Variants in WDR91 observed in about 807,000 individuals in gnomAD.
The protein encoded by WDR91 is WD repeat-containing protein 91.
In WDR91, 52 loss-of-function variants were observed where a neutral mutation model predicts 88.4. That is an observed-to-expected ratio of 0.59 (90% CI 0.47 to 0.74). WDR91 has a LOEUF of 0.74. Ranked by LOEUF, WDR91 falls within the 30% of genes least tolerant of loss-of-function variation. WDR91 has a pLI of 0.00. For synonymous variants in WDR91, 362 were observed against 389.5 expected (o/e 0.93, Z 0.83); for missense variants, 824 against 954.5 (o/e 0.86, Z 1.80).
intron 2 of WDR91, 144 bp from the exon 3 acceptor site, chr7:135,209,142 C>T: frequency 1.6e-6 from 1 of 631,188 alleles, no homozygotes; most frequent in Non-Finnish European, 2.6e-6. Flanking sequence ...TAAAGGAAAT[C>T]ATCACTCTTT....
At chr7:135,187,591 A>C (rs1830999692) in intron 13 of WDR91, among the ~76,000 whole-genome samples, 2 of 152,176 alleles carry the variant, frequency 1.3e-5, no homozygotes, top group Non-Finnish European at 2.9e-5. Flanking sequence ...AGATTTTTCT[A>C]TCCTAGGAAC....
At chr7:135,194,232 G>C (rs1400871918) in intron 9 of WDR91, among the ~76,000 whole-genome samples, 11 of 152,244 alleles carry the variant, frequency 7.2e-5, no homozygotes, top group Non-Finnish European at 4.4e-5. Flanking sequence ...GAAAGTGCCA[G>C]AAGCAGCCCA....
At chr7:135,189,988 GAAATTAAAA>G (rs2117635592) in intron 11 of WDR91, among the ~76,000 whole-genome samples, 1 of 152,252 alleles carries the variant, frequency 6.6e-6, no homozygotes, top group African/African-American at 2.4e-5. Context: ...TAATCCTCCT[GAAATTAAAA>G]ATGCAAGATA....
chr7:135,205,301 C>T (rs1266275775), intron 5 of WDR91, among the ~76,000 whole-genome samples: 1 of 152,246 alleles, frequency 6.6e-6, no homozygotes, highest in Admixed American at 6.5e-5. Flanking sequence ...AAAACCTTCC[C>T]AAGACTTTAC....
chr7:135,192,931 C>G (rs1831222810), intron 11 of WDR91, among the ~76,000 whole-genome samples: 1 of 152,126 alleles, frequency 6.6e-6, no homozygotes, highest in Admixed American at 6.5e-5. Flanking sequence ...GCTGCTGCTG[C>G]TATAATTCTC....
intron 4 of WDR91, 46 bp downstream of exon 4, chr7:135,207,073 CA>C: frequency 1.3e-6 from 2 of 1,539,352 alleles, no homozygotes; most frequent in South Asian, 2.2e-5. Flanking sequence ...ATTTCACACA[CA>C]AAAAGCAGAA....
intron 12 of WDR91, 64 bp downstream of exon 12, chr7:135,189,279 TC>T: frequency 6.7e-7 from 1 of 1,503,076 alleles, no homozygotes; most frequent in Non-Finnish European, 9.2e-7. Context: ...AAATCCAACG[TC>T]GGCAAAAAAA....
At chr7:135,205,520 G>A (rs1831735293) in intron 5 of WDR91, among the ~76,000 whole-genome samples, 1 of 152,190 alleles carries the variant, frequency 6.6e-6, no homozygotes, top group Non-Finnish European at 1.5e-5. Flanking sequence ...CACTTTGGGA[G>A]GCCAAGGCAG....
At position 135,196,417 on chromosome 7, in the gene WDR91, T is replaced by C. The variant is rs1831376667; in HGVS notation, c.1051-80A>G. The C allele has an allele frequency of 1.5e-6, 2 of 1,333,638 alleles. No individual in the cohort carries two copies. Among genetic ancestry groups the C allele is most frequent in the Non-Finnish European group, 2.0e-6 (2 of 1,009,860 alleles). The allele number at this position is 1,333,638 out of a possible 1,614,324, so 82.6% of individuals were successfully genotyped here. On this transcript the variant is annotated intron_variant, in intron 7 of 14. Coordinates refer to ENST00000354475, the MANE Select transcript of WDR91 (RefSeq NM_014149.4). The surrounding 1 kb of genome is among the most constrained non-coding windows in gnomAD (Gnocchi z 4.2). ...GTGTACACCGCAGGGGGTCTAGGCC[T>C]AGGCTGCAGCATTTTGCGGGGTTCT...
intron 11 of WDR91, among the ~76,000 whole-genome samples, chr7:135,190,478 CA>C (rs1831123041): frequency 6.6e-6 from 1 of 151,990 alleles, no homozygotes. Context: ...ACCATGATCA[CA>C]ATTCATAAGA....
Position 135,205,991 on chromosome 7 carries a change from G to T in WDR91, c.662C>A (p.Ala221Asp), listed in dbSNP as rs781692405. ...KEEQQPEEEE[A>D]LVQHKLPPYV... ...AGGAGGCAATTTGTGTTGGACCAAGGCCTCTTCCTCTTCTGGCTGTTGCTC... is the reference window on the plus strand; with the variant it reads ...AGGAGGCAATTTGTGTTGGACCAAGTCCTCTTCCTCTTCTGGCTGTTGCTC... The change falls in exon 5 of 15, where the codon GCC becomes GAC. Residue 221 changes from alanine to aspartate, a missense_variant. Transcript: ENST00000354475. The T allele has an allele frequency of 6.2e-7, 1 of 1,614,060 alleles. No individual in the cohort carries two copies. The highest frequency in any genetic ancestry group is 8.5e-7 in the Non-Finnish European group (1 of 1,180,050).
intron 5 of WDR91, among the ~76,000 whole-genome samples, chr7:135,205,481 G>C (rs1831733886): frequency 6.6e-6 from 1 of 152,210 alleles, no homozygotes. Context: ...AGCAAGGCTG[G>C]ACACGGTGGC....
Position 135,211,429 on chromosome 7 carries a change from A to G in WDR91, c.74T>C (p.Leu25Pro), listed in dbSNP as rs1275506761. 6.2e-6 allele frequency: 10 copies of G among 1,612,228 alleles called. No individual in the cohort carries two copies. Among genetic ancestry groups the G allele is most frequent in the Non-Finnish European group, 8.5e-6 (10 of 1,179,256 alleles). Residue 25 changes from leucine (L) to proline (P), a missense_variant, in exon 1 of 15, where the codon CTG becomes CCG. Transcript: ENST00000354475. ...CTTGATCTCGGCGTCCAGCTGCCGCAGTGTGTGCGTGAACCCGCGGAAGAG... is the reference window on the plus strand; with the variant it reads ...CTTGATCTCGGCGTCCAGCTGCCGCGGTGTGTGCGTGAACCCGCGGAAGAG... The part of the protein sequence containing the change: ...YLLFRGFTHT[L>P]RQLDAEIKAD...
At position 135,187,144 on chromosome 7, in the gene WDR91, C is replaced by T. The variant is rs1335562920; in HGVS notation, c.1907G>A (p.Ser636Asn). 6.2e-7 allele frequency: 1 copy of T among 1,614,088 alleles called. No homozygotes were observed. The highest frequency in any genetic ancestry group is 8.5e-7 in the Non-Finnish European group (1 of 1,180,054). The change falls in exon 14 of 15, where the codon AGT becomes AAT. Residue 636 changes from serine to asparagine, a missense_variant. Physicochemically the swap from Ser to Asn is conservative, Grantham distance 46 (BLOSUM62 1). Transcript: ENST00000354475. ...GCTGTACTCGGATACCTTGAGGCCACTCTTGTGGATGTTCCACTGGATGAA... is the reference window on the plus strand; with the variant it reads ...GCTGTACTCGGATACCTTGAGGCCATTCTTGTGGATGTTCCACTGGATGAA... Reference protein sequence around the residue: ...GKFIQWNIHKSGLKVSEYSLP... With the variant: ...GKFIQWNIHKNGLKVSEYSLP...
In WDR91 at chr7:135,193,574, T is replaced by A. The variant is rs772430359; in HGVS notation, c.1490+4A>T. 1 of 1,614,096 alleles carries A rather than the reference T, an allele frequency of 6.2e-7. No homozygotes were observed. The highest frequency in any genetic ancestry group is 1.1e-5 in the South Asian group (1 of 91,058). On this transcript the variant is annotated splice_donor_region_variant and intron_variant, in intron 10 of 14. Transcript: ENST00000354475. ...TTGATGGTGGGGGGTAGGTTCCAGT[T>A]CACCTGGGCATGTTGTCGTTGATAT...
chr7:135,202,608 T>C (rs151019204), intron 6 of WDR91, among the ~76,000 whole-genome samples: 110 of 152,230 alleles, frequency 7.2e-4, no homozygotes, highest in African/African-American at 2.5e-3. Context: ...CCACATAGAG[T>C]AGGGCCACAG....
chr7:135,204,218 G>A, intron 6 of WDR91, 50 bp downstream of exon 6: 2 of 1,596,710 alleles, frequency 1.3e-6, no homozygotes, highest in African/African-American at 1.3e-5. Context: ...AGCACAGGGA[G>A]CTGTCACGGC....
chr7:135,196,267 A>G lies in WDR91; in HGVS notation c.1121T>C (p.Val374Ala). The G allele has an allele frequency of 1.9e-6, 3 of 1,611,838 alleles. No individual in the cohort carries two copies. The highest frequency in any genetic ancestry group is 1.1e-5 in the South Asian group (1 of 90,794). ...CGAGGATGCCCGAGTCAGTGGCTCC[A>G]CTGGCTCCGTGTGGAGCTCTGGGCA... ...EPCPELHTEP[V>A]EPLTRASSAG... is the part of the protein sequence containing the mutation. Residue 374 changes from valine to alanine, a missense_variant, in exon 8 of 15, where the codon GTG becomes GCG. Val to Ala is a moderately conservative substitution (Grantham distance 64). Transcript: ENST00000354475. This position sits in a 1 kb window ranked among gnomAD's most constrained non-coding sequence, Gnocchi z 4.2.
Position 135,208,879 on chromosome 7 carries a change from G to A in WDR91, c.423C>T (p.Pro141=), listed in dbSNP as rs1331072625. The change falls in exon 3 of 15, where the codon CCC becomes CCT. Residue 141 remains proline, a synonymous_variant. Coordinates refer to ENST00000354475, the MANE Select transcript of WDR91 (RefSeq NM_014149.4). The part of the protein sequence containing the change: ...LPFLPSPDTN[P]TFATYFSRQW... ...GTCGAGAAAAGTAGGTAGCAAAGGT[G>A]GGGTTGGTGTCCGGGGATGGCAGGA... 1.9e-6 allele frequency: 3 copies of A among 1,614,212 alleles called. No homozygotes were observed. Among genetic ancestry groups the A allele is most frequent in the Admixed American group, 1.7e-5 (1 of 60,016 alleles).
Sources: gnomAD v4.1 joint callset for allele counts (sites outside exome capture counted in the v4.1 genomes callset) on GRCh38, gnomAD v4.1.1 for gene constraint, Gnocchi (gnomAD v3.1) non-coding constraint, MANE v1.5 for transcripts, NCBI Gene and HGNC (gene_info 2026-07-23, HGNC 2026-07-21) for gene names.